The following TXLNB variants were observed in gnomAD, a reference collection of about 807,000 sequenced individuals.
TXLNB encodes the protein taxilin beta, also known as beta-taxilin.
In TXLNB, 37 loss-of-function variants were observed where a neutral mutation model predicts 57.4. That is an observed-to-expected ratio of 0.64 (90% CI 0.50 to 0.85). TXLNB has a LOEUF of 0.85. Ranked by LOEUF, TXLNB falls within the 40% of genes least tolerant of loss-of-function variation. TXLNB has a pLI of 0.00. For synonymous variants in TXLNB, 302 were observed against 309.6 expected (o/e 0.98, Z 0.26); for missense variants, 848 against 825.6 (o/e 1.03, Z -0.33).
chr6:139,199,490 A>G, the TXLNB span, among the ~76,000 whole-genome samples: 1 of 152,220 alleles, frequency 6.6e-6, no homozygotes, highest in East Asian at 1.9e-4. Context: ...ATCTGGCAGG[A>G]AATTCAGATG....
intron 4 of TXLNB, 151 bp from the exon 5 acceptor site, chr6:139,262,924 G>A (rs1776523375): frequency 2.8e-6 from 2 of 722,922 alleles, no homozygotes; most frequent in Non-Finnish European, 4.4e-6. Flanking sequence ...CAAAATAAAT[G>A]TATGAGTAAA....
chr6:139,266,824 C>A (rs572423983), intron 4 of TXLNB, among the ~76,000 whole-genome samples: 1 of 151,290 alleles, frequency 6.6e-6, no homozygotes. Flanking sequence ...GTTCTGAAAA[C>A]GAAAGATCAA....
chr6:139,280,267 A>G (rs926351923), intron 2 of TXLNB, among the ~76,000 whole-genome samples: 5 of 147,198 alleles, frequency 3.4e-5, no homozygotes, highest in South Asian at 2.1e-4. Context: ...AAAAAAAAAA[A>G]AAAAAAAAGA....
chr6:139,276,939 T>A lies in TXLNB; in HGVS notation c.425-18A>T. On this transcript the variant is annotated intron_variant, in intron 2 of 9. Coordinates refer to ENST00000358430, the MANE Select transcript of TXLNB (RefSeq NM_153235.4). ...TTCTTTGCCTTAAAAAAAAAAGACA[T>A]GAAAAAAATAAGTGTTGAATTTACA... 2 of 1,562,608 alleles carry A rather than the reference T, an allele frequency of 1.3e-6. No homozygotes were observed. Among genetic ancestry groups the A allele is most frequent in the East Asian group, 2.3e-5 (1 of 44,176 alleles).
At chr6:139,237,082 G>A (rs957162492), downstream of TXLNB, among the ~76,000 whole-genome samples, 6 of 152,074 alleles carry the variant, frequency 3.9e-5, no homozygotes, top group Non-Finnish European at 8.8e-5. Flanking sequence ...ATCAGTTTAT[G>A]TCCCTCTTCC....
At chr6:139,212,356 G>C in the TXLNB span, among the ~76,000 whole-genome samples, 3 of 152,082 alleles carry the variant, frequency 2.0e-5, no homozygotes, top group African/African-American at 7.2e-5. Flanking sequence ...TTTCAACCCA[G>C]AATTTCATAT....
At chr6:139,310,703 G>GT in the TXLNB span, among the ~76,000 whole-genome samples, 2 of 151,846 alleles carry the variant, frequency 1.3e-5, no homozygotes, top group East Asian at 1.9e-4. Flanking sequence ...TTTTGGTTTG[G>GT]TTTTTTTTGA....
the TXLNB span, among the ~76,000 whole-genome samples, chr6:139,159,628 C>T: frequency 6.6e-6 from 1 of 152,168 alleles, no homozygotes; most frequent in Non-Finnish European, 1.5e-5. Context: ...TGGGCTGGTT[C>T]TCCCCATGGG....
chr6:139,272,035 G>A (rs951732954), intron 3 of TXLNB, among the ~76,000 whole-genome samples: 6 of 152,164 alleles, frequency 3.9e-5, no homozygotes, highest in Admixed American at 6.6e-5. Context: ...GGGGCTGGGC[G>A]TGGTGGCTCA....
At chr6:139,249,633 G>A (rs958824825) in intron 7 of TXLNB, among the ~76,000 whole-genome samples, 13 of 152,070 alleles carry the variant, frequency 8.5e-5, no homozygotes. Flanking sequence ...GTGTGAGAGG[G>A]AGTATGTATG....
intron 7 of TXLNB, among the ~76,000 whole-genome samples, chr6:139,250,771 T>G (rs949985496): frequency 6.6e-6 from 1 of 152,106 alleles, no homozygotes; most frequent in African/African-American, 2.4e-5. Context: ...TGAGCACATG[T>G]CTGGTCCATC....
the TXLNB span, chr6:139,167,009 A>AGG: frequency 6.2e-7 from 1 of 1,614,116 alleles, no homozygotes; most frequent in Admixed American, 1.7e-5. Flanking sequence ...GGCAGTTCAC[A>AGG]GGGGGGGACA....
chr6:139,224,758 C>T, the TXLNB span, among the ~76,000 whole-genome samples: 1 of 151,894 alleles, frequency 6.6e-6, no homozygotes, highest in Non-Finnish European at 1.5e-5. Context: ...AACTCCAGAT[C>T]TAGATAACTT....
intron 4 of TXLNB, among the ~76,000 whole-genome samples, chr6:139,268,151 CAAAAA>C (rs59647726): frequency 1.5e-5 from 1 of 64,518 alleles, no homozygotes. Flanking sequence ...CTCCATCTCA[CAAAAA>C]AAAAAAAAAA....
At chr6:139,216,393 C>T in the TXLNB span, among the ~76,000 whole-genome samples, 18 of 146,952 alleles carry the variant, frequency 1.2e-4, no homozygotes, top group South Asian at 4.3e-4. Flanking sequence ...CCAAACACCG[C>T]GTGTTCTCAC....
At chr6:139,203,469 TA>T in the TXLNB span, 1 of 152,366 alleles carries the variant, frequency 6.6e-6, no homozygotes, top group East Asian at 1.9e-4. Context: ...TTTCTTAGCT[TA>T]ACCTCTCAGC....
chr6:139,189,481 GGTTT>G, the TXLNB span, among the ~76,000 whole-genome samples: 1 of 152,058 alleles, frequency 6.6e-6, no homozygotes, highest in Non-Finnish European at 1.5e-5. Flanking sequence ...TAGTTTTCTT[GGTTT>G]ATGTGTAATT....
the TXLNB span, among the ~76,000 whole-genome samples, chr6:139,174,777 A>G: frequency 6.6e-6 from 1 of 152,224 alleles, no homozygotes; most frequent in Admixed American, 6.5e-5. Context: ...AGAACAGGTT[A>G]TAAAATGGTA....
the TXLNB span, among the ~76,000 whole-genome samples, chr6:139,208,246 A>G: frequency 6.6e-6 from 1 of 152,226 alleles, no homozygotes; most frequent in South Asian, 2.1e-4. Context: ...TAAATCAGGA[A>G]AAAAATGGAA....
Sources: gnomAD v4.1 joint callset for allele counts (sites outside exome capture counted in the v4.1 genomes callset) on GRCh38, gnomAD v4.1.1 for gene constraint, MANE v1.5 for transcripts, NCBI Gene and HGNC (gene_info 2026-07-23, HGNC 2026-07-21) for gene names.